Variants in NIBAN1 observed in about 807,000 individuals in gnomAD.
The protein encoded by NIBAN1 is niban apoptosis regulator 1.
NIBAN1 carries 81 observed loss-of-function variants against 75.1 expected under a neutral mutation model. That is an observed-to-expected ratio of 1.08 (90% CI 0.90 to 1.30). NIBAN1 has a LOEUF of 1.30. Ranked by LOEUF, NIBAN1 falls within the 50% of genes most tolerant of loss-of-function variation. NIBAN1 has a pLI of 0.00. For synonymous variants in NIBAN1, 436 were observed against 424.8 expected (o/e 1.03, Z -0.32); for missense variants, 1,133 against 1,128.1 (o/e 1.00, Z -0.06).
intron 2 of NIBAN1, among the ~76,000 whole-genome samples, chr1:184,897,224 T>G (rs1656822445): frequency 6.6e-6 from 1 of 151,886 alleles, no homozygotes; most frequent in Non-Finnish European, 1.5e-5. Context: ...CTTTCATCCG[T>G]GTTTTGTAGT....
intron 1 of NIBAN1, among the ~76,000 whole-genome samples, chr1:184,899,736 C>T (rs1309957977): frequency 6.6e-6 from 1 of 151,884 alleles, no homozygotes; most frequent in Admixed American, 6.6e-5. Flanking sequence ...CCTCGACCTC[C>T]AGTCATTCAG....
rs529429785 is a variant in NIBAN1 at position 184,892,344 on chromosome 1, G to A, written c.318+1731C>T. Among the ~76,000 whole-genome samples, 22 of 152,238 alleles carry A rather than the reference G, an allele frequency of 1.4e-4. No individual in the cohort carries two copies. In the South Asian group the frequency reaches 3.5e-3, roughly 24 times the overall value. On this transcript the variant is annotated intron_variant, in intron 3 of 13. Coordinates refer to ENST00000367511, the MANE Select transcript of NIBAN1 (RefSeq NM_052966.4). The stretch of plus-strand genomic sequence containing the variant: ...CAAGATTTATAGCTTAGGCAAGGGC[G>A]CCTATCTAGTAAGTGGTAAAGGTAT...
At chr1:184,816,925 G>A (rs989199384) in intron 9 of NIBAN1, among the ~76,000 whole-genome samples, 4 of 151,658 alleles carry the variant, frequency 2.6e-5, no homozygotes, top group Non-Finnish European at 4.4e-5. Context: ...TGTGCACAAC[G>A]TGCAGGTTTG....
intron 1 of NIBAN1, among the ~76,000 whole-genome samples, chr1:184,899,668 C>A (rs964333576): frequency 6.6e-6 from 1 of 152,024 alleles, no homozygotes; most frequent in Non-Finnish European, 1.5e-5. Context: ...TCCTTCTAAT[C>A]CTCCTAAGAC....
chr1:184,958,571 T>C (rs931682584), intron 1 of NIBAN1, among the ~76,000 whole-genome samples: 2 of 152,222 alleles, frequency 1.3e-5, no homozygotes, highest in Admixed American at 1.3e-4. Flanking sequence ...AAAGAAACAC[T>C]TAGAATTTCT....
chr1:184,815,439 T>C (rs1185039387), intron 9 of NIBAN1, among the ~76,000 whole-genome samples: 6 of 152,150 alleles, frequency 3.9e-5, no homozygotes, highest in Non-Finnish European at 7.4e-5. Flanking sequence ...TGTACACCCA[T>C]TGGACCCCTT....
At chr1:184,925,459 T>G (rs1273724911) in intron 1 of NIBAN1, among the ~76,000 whole-genome samples, 2 of 152,154 alleles carry the variant, frequency 1.3e-5, no homozygotes, top group African/African-American at 4.8e-5. Context: ...GTTATTAGTT[T>G]TCTGATTGCT....
chr1:184,803,835 T>C, intron 11 of NIBAN1, 143 bp from the exon 12 acceptor site: 1 of 656,042 alleles, frequency 1.5e-6, no homozygotes, highest in Non-Finnish European at 2.7e-6. Context: ...CAGAGATCTT[T>C]CCATGTAATT....
At chr1:184,901,782 C>T (rs1191320751) in intron 1 of NIBAN1, among the ~76,000 whole-genome samples, 1 of 152,162 alleles carries the variant, frequency 6.6e-6, no homozygotes, top group African/African-American at 2.4e-5. Flanking sequence ...ATAATGCTCT[C>T]TTCTGATATA....
chr1:184,854,663 C>A (rs1299447671), intron 5 of NIBAN1, among the ~76,000 whole-genome samples: 1 of 152,176 alleles, frequency 6.6e-6, no homozygotes, highest in Non-Finnish European at 1.5e-5. Context: ...CAGATGAGAT[C>A]ATTTCCAAAC....
At chr1:184,844,118 G>A (rs1655370461) in intron 5 of NIBAN1, among the ~76,000 whole-genome samples, 3 of 152,162 alleles carry the variant, frequency 2.0e-5, no homozygotes, top group Admixed American at 2.0e-4. Context: ...AACGGGTCTT[G>A]GTATAATTTA....
chr1:184,854,223 G>C (rs1181821484), intron 5 of NIBAN1, among the ~76,000 whole-genome samples: 1 of 152,148 alleles, frequency 6.6e-6, no homozygotes, highest in Non-Finnish European at 1.5e-5. Context: ...GATGCTTGTG[G>C]TTTAAGAGTA....
intron 1 of NIBAN1, among the ~76,000 whole-genome samples, chr1:184,969,406 A>G (rs528493879): frequency 6.6e-6 from 1 of 152,330 alleles, no homozygotes; most frequent in African/African-American, 2.4e-5. Flanking sequence ...AGATAAAAAC[A>G]GCAGTTGCAG....
intron 9 of NIBAN1, among the ~76,000 whole-genome samples, chr1:184,815,243 G>C (rs1654494242): frequency 6.6e-6 from 1 of 152,140 alleles, no homozygotes; most frequent in Non-Finnish European, 1.5e-5. Context: ...ATTTTCCCCA[G>C]GTAAAGAAAG....
At chr1:184,818,946 G>A in intron 8 of NIBAN1, 121 bp from the exon 9 acceptor site, 1 of 1,119,080 alleles carries the variant, frequency 8.9e-7, no homozygotes. Flanking sequence ...GCAAGCTCAA[G>A]AGGCCATGAC....
intron 6 of NIBAN1, among the ~76,000 whole-genome samples, chr1:184,830,501 A>G (rs971100975): frequency 6.6e-6 from 1 of 152,186 alleles, no homozygotes; most frequent in African/African-American, 2.4e-5. Context: ...CAGAAAAAAA[A>G]AGAGAGAGAG....
At chr1:184,942,602 G>A (rs1658118960) in intron 1 of NIBAN1, among the ~76,000 whole-genome samples, 1 of 151,406 alleles carries the variant, frequency 6.6e-6, no homozygotes, top group Non-Finnish European at 1.5e-5. Context: ...GCTGAGGCAG[G>A]AGAATGGCGT....
chr1:184,891,626 A>G (rs1433458574), intron 3 of NIBAN1, among the ~76,000 whole-genome samples: 1 of 152,204 alleles, frequency 6.6e-6, no homozygotes, highest in Non-Finnish European at 1.5e-5. Context: ...CCCATGGCCC[A>G]GCAGTGAGTA....
chr1:184,842,628 C>T (rs1465279758), intron 5 of NIBAN1, among the ~76,000 whole-genome samples: 1 of 152,142 alleles, frequency 6.6e-6, no homozygotes, highest in African/African-American at 2.4e-5. Context: ...TGGCGGGCGC[C>T]TGTAATCCTA....
Sources: gnomAD v4.1 joint callset for allele counts (sites outside exome capture counted in the v4.1 genomes callset) on GRCh38, gnomAD v4.1.1 for gene constraint, MANE v1.5 for transcripts, NCBI Gene and HGNC (gene_info 2026-07-23, HGNC 2026-07-21) for gene names.